Variants in SPAG17 observed in about 807,000 individuals in gnomAD.
SPAG17 encodes the protein sperm associated antigen 17.
A neutral mutation model predicts 273.6 loss-of-function variants in SPAG17; 169 were observed. That is an observed-to-expected ratio of 0.62 (90% CI 0.55 to 0.70). The LOEUF is 0.70. Ranked by LOEUF, SPAG17 falls within the 30% of genes least tolerant of loss-of-function variation. SPAG17 has a pLI of 0.00. For missense variants in SPAG17, 2,557 were observed against 2,627.8 expected, an observed-to-expected ratio of 0.97 and a Z score of 0.59; for synonymous variants, 825 against 873.2, an observed-to-expected ratio of 0.94 and a Z score of 0.97.
At chr1:118,128,329 T>C (rs998766659) in intron 3 of SPAG17, among the ~76,000 whole-genome samples, 1 of 152,202 alleles carries the variant, frequency 6.6e-6, no homozygotes, top group Non-Finnish European at 1.5e-5. Flanking sequence ...ATGTATAAAA[T>C]CGTGTCGACT....
chr1:117,969,457 T>C lies in SPAG17; in HGVS notation c.6387+599A>G, dbSNP rs959879353. Among the ~76,000 whole-genome samples, 54 of 152,140 alleles carry C rather than the reference T, an allele frequency of 3.5e-4. 1 individual carries two copies. Among genetic ancestry groups the C allele is most frequent in the Admixed American group, 5.9e-4 (9 of 15,276 alleles). ...AGCCGGACGTGGTGGCATGCGCCTG[T>C]AATCCCAGCTACTCAGGAGGCTGAG... On this transcript the variant is annotated intron_variant, in intron 46 of 48. Transcript: ENST00000336338.
intron 4 of SPAG17, among the ~76,000 whole-genome samples, chr1:118,112,336 A>G (rs1174335030): frequency 1.3e-5 from 2 of 152,110 alleles, no homozygotes; most frequent in African/African-American, 4.8e-5. Context: ...TTTTAAAATT[A>G]TAAGGAACAT....
At chr1:117,996,268 CA>C in intron 34 of SPAG17, 101 bp downstream of exon 34, 1 of 1,384,032 alleles carries the variant, frequency 7.2e-7, no homozygotes. Context: ...GAAAAGTGAG[CA>C]AAGCGGAAAA....
At chr1:118,000,337 T>C (rs1307990808) in intron 32 of SPAG17, among the ~76,000 whole-genome samples, 1 of 152,206 alleles carries the variant, frequency 6.6e-6, no homozygotes, top group African/African-American at 2.4e-5. Context: ...AACTTTAAAG[T>C]AGTTTTTTCC....
intron 3 of SPAG17, among the ~76,000 whole-genome samples, chr1:118,138,340 C>A (rs1391309961): frequency 1.3e-5 from 2 of 152,158 alleles, no homozygotes; most frequent in Non-Finnish European, 2.9e-5. Flanking sequence ...AATAGAAACC[C>A]AGCAAATGTC....
intron 4 of SPAG17, among the ~76,000 whole-genome samples, chr1:118,102,344 T>G (rs747612254): frequency 2.7e-5 from 4 of 148,058 alleles, no homozygotes; most frequent in Non-Finnish European, 1.5e-5. Context: ...GGGTTGGTTA[T>G]TAAAAACAAA....
chr1:118,131,706 G>A (rs1342001783), intron 3 of SPAG17, among the ~76,000 whole-genome samples: 2 of 152,118 alleles, frequency 1.3e-5, no homozygotes, highest in Non-Finnish European at 2.9e-5. Context: ...CCTATTGTGA[G>A]TCCCCCATGC....
intron 3 of SPAG17, among the ~76,000 whole-genome samples, chr1:118,117,549 G>A (rs149784694): frequency 6.6e-6 from 1 of 152,346 alleles, no homozygotes; most frequent in East Asian, 1.9e-4. Context: ...GTAACAGTGA[G>A]GTCCTGCCCT....
intron 17 of SPAG17, among the ~76,000 whole-genome samples, chr1:118,071,431 C>G (rs1223822761): frequency 6.6e-6 from 1 of 151,978 alleles, no homozygotes; most frequent in Non-Finnish European, 1.5e-5. Context: ...GGGTGGATCA[C>G]CTGAGGTCAG....
intron 24 of SPAG17, among the ~76,000 whole-genome samples, chr1:118,034,738 C>T (rs1648878396): frequency 6.6e-6 from 1 of 152,120 alleles, no homozygotes; most frequent in South Asian, 2.1e-4. Context: ...AGGTATACTT[C>T]TCTATGGGAA....
At chr1:117,961,703 A>G (rs1295808699) in intron 48 of SPAG17, 1 of 152,202 alleles carries the variant, frequency 6.6e-6, no homozygotes, top group African/African-American at 2.4e-5. Flanking sequence ...GTTCTTGAGC[A>G]TAACACAATC....
chr1:118,146,810 C>T (rs138515114), intron 3 of SPAG17, among the ~76,000 whole-genome samples: 215 of 152,296 alleles, frequency 1.4e-3, no homozygotes, highest in Non-Finnish European at 2.5e-3. Flanking sequence ...CTCTATGCCT[C>T]CATTTCCCCG....
intron 1 of SPAG17, among the ~76,000 whole-genome samples, chr1:118,183,268 CAAT>C (rs1193000728): frequency 2.0e-5 from 3 of 152,154 alleles, no homozygotes; most frequent in Admixed American, 2.0e-4. Flanking sequence ...GATACTAAAA[CAAT>C]AGAGCACACT....
At chr1:118,122,147 G>A (rs1657458583) in intron 3 of SPAG17, among the ~76,000 whole-genome samples, 1 of 119,282 alleles carries the variant, frequency 8.4e-6, no homozygotes, top group Non-Finnish European at 1.8e-5. Flanking sequence ...ATGTGTGTCT[G>A]TGTGTCTGTG....
chr1:118,019,078 T>C (rs569148223), intron 28 of SPAG17, among the ~76,000 whole-genome samples: 29 of 145,408 alleles, frequency 2.0e-4, no homozygotes, highest in Middle Eastern at 3.6e-3. Flanking sequence ...CTCAAGAATT[T>C]AGAATTAAAG....
intron 35 of SPAG17, among the ~76,000 whole-genome samples, chr1:117,993,679 C>G (rs1657347750): frequency 1.3e-5 from 2 of 152,134 alleles, no homozygotes; most frequent in Admixed American, 1.3e-4. Flanking sequence ...AAAATGATGA[C>G]AATCAAAAAC....
chr1:118,055,952 T>A (rs759273369), intron 18 of SPAG17, 38 bp from the exon 19 acceptor site: 6 of 1,516,024 alleles, frequency 4.0e-6, no homozygotes, highest in South Asian at 2.4e-5. Context: ...TGAGTTACTA[T>A]GAAAGTCAAT....
At chr1:118,023,596 C>A in intron 27 of SPAG17, 133 bp from the exon 28 acceptor site, 1 of 684,086 alleles carries the variant, frequency 1.5e-6, no homozygotes, top group Non-Finnish European at 2.2e-6. Context: ...ACCTCCAGAC[C>A]CAGCAGCACA....
chr1:118,148,288 T>C (rs1424687790), intron 3 of SPAG17, among the ~76,000 whole-genome samples: 1 of 152,166 alleles, frequency 6.6e-6, no homozygotes, highest in Non-Finnish European at 1.5e-5. Flanking sequence ...ACTGACTTCG[T>C]GGTGTTACAG....
Sources: gnomAD v4.1 joint callset for allele counts (sites outside exome capture counted in the v4.1 genomes callset) on GRCh38, gnomAD v4.1.1 for gene constraint, MANE v1.5 for transcripts, NCBI Gene and HGNC (gene_info 2026-07-23, HGNC 2026-07-21) for gene names.